The following PLXDC2 variants were observed in gnomAD, a reference collection of about 807,000 sequenced individuals.
PLXDC2 encodes plexin domain-containing protein 2.
In PLXDC2, 40 loss-of-function variants were observed where a neutral mutation model predicts 68.9. That is an observed-to-expected ratio of 0.58 (90% CI 0.45 to 0.76). PLXDC2 has a LOEUF of 0.76. Ranked by LOEUF, PLXDC2 falls within the 30% of genes least tolerant of loss-of-function variation. The pLI is 0.00. For missense variants in PLXDC2, 644 were observed against 661.9 expected (o/e 0.97, Z 0.30); for synonymous variants, 243 against 234.2 (o/e 1.04, Z -0.34).
intron 1 of PLXDC2, among the ~76,000 whole-genome samples, chr10:19,869,468 A>AGGGGGGGGG (rs555686208): frequency 2.2e-5 from 1 of 44,592 alleles, no homozygotes; most frequent in Non-Finnish European, 3.7e-5. Flanking sequence ...AGAGAGAGAA[A>AGGGGGGGGG]GGGGGGGGGG....
intron 6 of PLXDC2, among the ~76,000 whole-genome samples, chr10:20,158,833 A>G (rs1291305013): frequency 6.6e-6 from 1 of 152,138 alleles, no homozygotes; most frequent in African/African-American, 2.4e-5. Context: ...TTCCATAGGA[A>G]ATTTTAGAGA....
chr10:20,068,214 A>T lies in PLXDC2; in HGVS notation c.516A>T (p.Leu172=). The T allele has an allele frequency of 6.2e-7, 1 of 1,613,158 alleles. No homozygotes were observed. Among genetic ancestry groups the T allele is most frequent in the Non-Finnish European group, 8.5e-7 (1 of 1,179,508 alleles). ...SFDFPFYGHF[L]REITVATGGF... is the part of the protein sequence containing the mutation. ...ATTTTCCATTTTATGGCCACTTCCT[A>T]CGTGAAATCACTGTGGCAACCGGGG... The change falls in exon 4 of 14, where the codon CTA becomes CTT. Residue 172 remains leucine (L), a synonymous_variant. Transcript: ENST00000377252.
intron 12 of PLXDC2, among the ~76,000 whole-genome samples, chr10:20,223,356 C>CG (rs1309863567): frequency 1.3e-5 from 2 of 150,700 alleles, no homozygotes; most frequent in African/African-American, 4.9e-5. Flanking sequence ...ACTGTCCCCC[C>CG]GGCTGGAGTG....
chr10:20,202,298 T>G (rs34050369), intron 9 of PLXDC2, among the ~76,000 whole-genome samples: 36,820 of 152,080 alleles, frequency 0.24, 5,831 homozygotes, highest in Middle Eastern at 0.36. Flanking sequence ...CTATGGTTTA[T>G]TCTAAAGAGG....
At chr10:20,213,122 A>G (rs1240305309) in intron 10 of PLXDC2, among the ~76,000 whole-genome samples, 4 of 151,974 alleles carry the variant, frequency 2.6e-5, no homozygotes, top group African/African-American at 9.7e-5. Context: ...TTTTAGAAGA[A>G]TTTTCCTACC....
intron 2 of PLXDC2, among the ~76,000 whole-genome samples, chr10:20,025,649 A>T (rs1025144447): frequency 5.3e-5 from 8 of 152,148 alleles, no homozygotes; most frequent in Admixed American, 5.2e-4. Flanking sequence ...ATTAGTGGTG[A>T]TAATCTTTTT....
At position 20,143,381 on chromosome 10, in the gene PLXDC2, G is replaced by A. The variant is rs1419578753; in HGVS notation, c.628G>A (p.Val210Ile). Residue 210 changes from valine to isoleucine, a missense_variant, in exon 5 of 14, where the codon GTA becomes ATA. Physicochemically the swap from Val to Ile is conservative, Grantham distance 29. This residue lies in a region of PLXDC2 where 113 missense variants were observed against 167.1 expected (regional missense o/e 0.68). Coordinates refer to ENST00000377252, the MANE Select transcript of PLXDC2 (RefSeq NM_032812.9). ...APLMANFDPS[V>I]SRNSTVRYFD... ...TTTAATGGCAAATTTCGATCCCAGT[G>A]TATCCAGAAATTCAACTGTCAGATA... The A allele has an allele frequency of 1.2e-6, 2 of 1,613,252 alleles. No homozygotes were observed. Among genetic ancestry groups the A allele is most frequent in the Non-Finnish European group, 1.7e-6 (2 of 1,179,382 alleles).
At chr10:20,021,390 C>T (rs1180687875) in intron 2 of PLXDC2, among the ~76,000 whole-genome samples, 1 of 152,150 alleles carries the variant, frequency 6.6e-6, no homozygotes, top group Non-Finnish European at 1.5e-5. Flanking sequence ...GCCCCGCATG[C>T]ATTAGGATTT....
intron 1 of PLXDC2, among the ~76,000 whole-genome samples, chr10:19,874,910 G>A (rs943489066): frequency 5.3e-5 from 8 of 152,074 alleles, no homozygotes; most frequent in African/African-American, 1.4e-4. Context: ...CCTGTTCTTC[G>A]AGGTTCTTGT....
At chr10:19,819,495 C>A (rs1432051341) in intron 1 of PLXDC2, among the ~76,000 whole-genome samples, 1 of 152,108 alleles carries the variant, frequency 6.6e-6, no homozygotes, top group Non-Finnish European at 1.5e-5. Flanking sequence ...GGGAAAAGTC[C>A]AGCAGTCTTG....
At chr10:19,818,227 GGTGT>G (rs749435110) in intron 1 of PLXDC2, among the ~76,000 whole-genome samples, 17,331 of 137,360 alleles carry the variant, frequency 0.13, 1,087 homozygotes, top group Non-Finnish European at 0.13. Flanking sequence ...GTTCTTTTCT[GGTGT>G]GTGTGTGTGT....
chr10:20,125,316 A>G (rs1463686869), intron 4 of PLXDC2, among the ~76,000 whole-genome samples: 1 of 152,200 alleles, frequency 6.6e-6, no homozygotes. Flanking sequence ...CACCTAAGGA[A>G]GATTGAAATG....
intron 1 of PLXDC2, among the ~76,000 whole-genome samples, chr10:19,970,879 C>G (rs1834340679): frequency 6.6e-6 from 1 of 152,052 alleles, no homozygotes; most frequent in Non-Finnish European, 1.5e-5. Flanking sequence ...TAAAACAGTC[C>G]CAAGAAATCT....
intron 4 of PLXDC2, among the ~76,000 whole-genome samples, chr10:20,139,412 C>T (rs947633095): frequency 2.6e-5 from 4 of 152,196 alleles, no homozygotes; most frequent in African/African-American, 9.7e-5. Flanking sequence ...CAGATGAGTG[C>T]TATTTATAGT....
In PLXDC2 at chr10:20,284,016, G is replaced by C. The variant is rs968225605; in HGVS notation, c.*4197G>C. ...GAGTATAAATTTGATCACGTCCCTA[G>C]TGTCTATTGCCCACTTGAGAAAGGT... On this transcript the variant is annotated 3_prime_UTR_variant, in exon 14 of 14. Coordinates refer to ENST00000377252, the MANE Select transcript of PLXDC2 (RefSeq NM_032812.9). 1 of 152,056 alleles carries C rather than the reference G, an allele frequency of 6.6e-6. No homozygotes were observed. The highest frequency in any genetic ancestry group is 2.4e-5 in the African/African-American group (1 of 41,394). 9.4% of individuals were successfully genotyped at this position (152,056 alleles called of 1,614,324 possible).
intron 1 of PLXDC2, among the ~76,000 whole-genome samples, chr10:19,830,045 C>G (rs1836658763): frequency 6.6e-6 from 1 of 152,146 alleles, no homozygotes; most frequent in Non-Finnish European, 1.5e-5. Context: ...ATATTAAAAT[C>G]TGTTAATTTG....
chr10:19,980,378 T>C (rs1834532958), intron 1 of PLXDC2, among the ~76,000 whole-genome samples: 1 of 152,236 alleles, frequency 6.6e-6, no homozygotes, highest in Non-Finnish European at 1.5e-5. Context: ...TGATGTCTTG[T>C]GTCAGCCTGT....
Position 20,263,879 on chromosome 10 carries a change from AAGTT to A in PLXDC2, c.1474-15819_1474-15816del, listed in dbSNP as rs202022336. 1.9e-3 allele frequency among the ~76,000 whole-genome samples: 290 copies of A among 152,312 alleles called. 3 individuals are homozygous for A. In the East Asian group the frequency reaches 0.025, roughly 13 times the overall value. ...CTTTTTGCACTGTTTGTGGGAGTAT[AAGTT>A]AGTTCAACCATTGTGAAAATTACTC... On this transcript the variant is annotated intron_variant, in intron 13 of 13. Coordinates refer to ENST00000377252, the MANE Select transcript of PLXDC2 (RefSeq NM_032812.9).
chr10:20,181,763 CTG>C (rs1341389088), intron 9 of PLXDC2, among the ~76,000 whole-genome samples: 1 of 151,938 alleles, frequency 6.6e-6, no homozygotes, highest in Non-Finnish European at 1.5e-5. Context: ...ACAGATGACT[CTG>C]TAAGCTAGGG....
Sources: allele counts gnomAD v4.1 joint callset (sites outside exome capture counted in the v4.1 genomes callset), GRCh38; gene constraint gnomAD v4.1.1; regional missense constraint gnomAD v4.1.1; transcripts MANE v1.5; gene names NCBI Gene and HGNC (gene_info 2026-07-23, HGNC 2026-07-21).